RALGPS1: variants seen among roughly 807,000 people sequenced by gnomAD.
RALGPS1 encodes ras-specific guanine nucleotide-releasing factor RalGPS1.
In RALGPS1, 19 loss-of-function variants were observed where a neutral mutation model predicts 78.8. That is an observed-to-expected ratio of 0.24 (90% CI 0.17 to 0.35). The LOEUF (loss-of-function observed/expected upper bound fraction) is 0.35, where lower values mean the gene tolerates loss of function less well. Ranked by LOEUF, RALGPS1 falls within the 10% of genes least tolerant of loss-of-function variation. The pLI, the probability that RALGPS1 is intolerant of heterozygous loss-of-function variation, is 1.00. For missense variants in RALGPS1, 454 were observed against 688.3 expected (o/e 0.66, Z 3.81); for synonymous variants, 228 against 256.3 (o/e 0.89, Z 1.06).
chr9:127,141,441 C>T (rs2057765807), intron 8 of RALGPS1, among the ~76,000 whole-genome samples: 1 of 152,030 alleles, frequency 6.6e-6, no homozygotes, highest in South Asian at 2.1e-4. Flanking sequence ...CTCAGAAGCA[C>T]CCTTGGGGGT....
At chr9:126,946,042 G>A (rs1473309282) in intron 1 of RALGPS1, among the ~76,000 whole-genome samples, 1 of 152,208 alleles carries the variant, frequency 6.6e-6, no homozygotes, top group African/African-American at 2.4e-5. Flanking sequence ...GCGCAGCAGG[G>A]AGACTGCGTA....
intron 9 of RALGPS1, 59 bp downstream of exon 9, chr9:127,166,265 C>A: frequency 6.3e-7 from 1 of 1,590,710 alleles, no homozygotes; most frequent in South Asian, 1.1e-5. Flanking sequence ...TGGGTCTTAC[C>A]AGTGAGAAAG....
intron 8 of RALGPS1, among the ~76,000 whole-genome samples, chr9:127,081,188 A>T (rs2051132010): frequency 6.6e-6 from 1 of 152,156 alleles, no homozygotes; most frequent in Admixed American, 6.5e-5. Context: ...GATATTATCC[A>T]CCGTGTTTTA....
At chr9:127,019,842 A>T (rs1370494184) in intron 4 of RALGPS1, among the ~76,000 whole-genome samples, 1 of 151,986 alleles carries the variant, frequency 6.6e-6, no homozygotes. Context: ...TTTCAATTCA[A>T]ATTCCTGTAG....
At chr9:127,144,082 C>T (rs2057953986) in intron 8 of RALGPS1, among the ~76,000 whole-genome samples, 1 of 152,202 alleles carries the variant, frequency 6.6e-6, no homozygotes, top group Admixed American at 6.5e-5. Context: ...AGCCTGGAAC[C>T]CTCAGCCTTG....
At chr9:127,077,986 A>T (rs980820126) in intron 8 of RALGPS1, among the ~76,000 whole-genome samples, 1 of 152,074 alleles carries the variant, frequency 6.6e-6, no homozygotes, top group Admixed American at 6.5e-5. Flanking sequence ...TTCTGCCCTG[A>T]TGGCCACATG....
Position 127,218,360 on chromosome 9 carries a change from C to G in RALGPS1, c.1645-380C>G, listed in dbSNP as rs1166041952. Among the ~76,000 whole-genome samples, 3 of 152,226 alleles carry G rather than the reference C, an allele frequency of 2.0e-5. No homozygotes were observed. Among genetic ancestry groups the G allele is most frequent in the African/African-American group, 7.2e-5 (3 of 41,454 alleles). On this transcript the variant is annotated intron_variant, in intron 18 of 18. Coordinates refer to ENST00000259351, the MANE Select transcript of RALGPS1 (RefSeq NM_014636.3). This position sits in a 1 kb window ranked among gnomAD's most constrained non-coding sequence, Gnocchi z 4.4. ...GCCTTCAGGATTTGTCTCTCTGCCC[C>G]AAGCGCAGTTTGATTTTCACTGAAG...
chr9:126,944,917 A>G (rs1364851541), intron 1 of RALGPS1, among the ~76,000 whole-genome samples: 1 of 152,080 alleles, frequency 6.6e-6, no homozygotes, highest in African/African-American at 2.4e-5. Flanking sequence ...GCCTTGGTGG[A>G]TGAAATTTAG....
chr9:126,938,711 C>T (rs2036492165), intron 1 of RALGPS1, among the ~76,000 whole-genome samples: 1 of 152,192 alleles, frequency 6.6e-6, no homozygotes, highest in South Asian at 2.1e-4. Context: ...TGTGGGTGGC[C>T]ACAGCTGTGA....
chr9:126,949,515 T>G (rs1244557890), intron 1 of RALGPS1, among the ~76,000 whole-genome samples: 1 of 152,226 alleles, frequency 6.6e-6, no homozygotes, highest in East Asian at 1.9e-4. Flanking sequence ...CTAACTGGTG[T>G]GAGATGGTAT....
chr9:126,963,801 C>T (rs1030353318), intron 2 of RALGPS1, among the ~76,000 whole-genome samples: 5 of 152,188 alleles, frequency 3.3e-5, no homozygotes, highest in African/African-American at 7.2e-5. Context: ...ACTCTCGAGC[C>T]GGTGCTCCTA....
intron 4 of RALGPS1, among the ~76,000 whole-genome samples, chr9:127,004,959 G>C (rs1434124102): frequency 6.6e-6 from 1 of 152,172 alleles, no homozygotes; most frequent in Non-Finnish European, 1.5e-5. Flanking sequence ...CTTCAAAATT[G>C]TTTATTGCAT....
intron 4 of RALGPS1, among the ~76,000 whole-genome samples, chr9:126,979,540 C>A (rs1376368934): frequency 2.0e-5 from 3 of 152,140 alleles, no homozygotes; most frequent in African/African-American, 7.2e-5. Context: ...GGGCTTTATT[C>A]TTCATCCGAA....
intron 8 of RALGPS1, among the ~76,000 whole-genome samples, chr9:127,097,685 A>G (rs527466675): frequency 6.6e-6 from 1 of 152,392 alleles, no homozygotes; most frequent in South Asian, 2.1e-4. Context: ...CAACTGTAAC[A>G]TATAAATAAT....
chr9:127,034,643 TC>T, intron 5 of RALGPS1, 129 bp downstream of exon 5: 2 of 750,564 alleles, frequency 2.7e-6, no homozygotes, highest in Admixed American at 2.0e-5. Context: ...CTCATATGAG[TC>T]CCCCACCTTT....
At chr9:127,199,101 GGCGGT>G in intron 14 of RALGPS1, 35 bp downstream of exon 14, 1 of 1,603,328 alleles carries the variant, frequency 6.2e-7, no homozygotes, top group Admixed American at 1.7e-5. Flanking sequence ...CCCTCCCAGG[GGCGGT>G]GCTCAGGGCT....
chr9:127,041,025 A>T (rs2047246959), intron 5 of RALGPS1, among the ~76,000 whole-genome samples: 1 of 58,794 alleles, frequency 1.7e-5, no homozygotes, highest in Non-Finnish European at 4.7e-5. Flanking sequence ...AAGCTGCTAC[A>T]AACATTTGTG....
rs143821397 is a variant in RALGPS1 at position 127,196,568 on chromosome 9, C to T, written c.1132C>T (p.Arg378Cys). The T allele has an allele frequency of 1.2e-4, 200 of 1,613,982 alleles. 1 individual carries two copies. In the Admixed American group the frequency reaches 1.9e-3, roughly 15 times the overall value. ...HLLDDSVLES[R>C]SPRRGLALTS... is the part of the protein sequence containing the mutation. ...ACTGGACGACAGTGTCCTAGAGTCC[C>T]GCAGCCCCCGAAGGGGCCTGGCTCT... is the stretch of plus-strand genomic sequence containing the variant. Residue 378 changes from arginine to cysteine, a missense_variant, in exon 13 of 19, where the codon CGC (arginine) becomes TGC (cysteine). Physicochemically the swap from Arg to Cys is radical, Grantham distance 180 (BLOSUM62 -3). Coordinates refer to ENST00000259351, the MANE Select transcript of RALGPS1 (RefSeq NM_014636.3).
chr9:127,002,433 CTT>C (rs11380006), intron 4 of RALGPS1, among the ~76,000 whole-genome samples: 2 of 117,426 alleles, frequency 1.7e-5, no homozygotes, highest in African/African-American at 2.9e-5. Context: ...CACAAACATT[CTT>C]TTTTTTTTTT....
Sources: gnomAD v4.1 joint callset for allele counts (sites outside exome capture counted in the v4.1 genomes callset) on GRCh38, gnomAD v4.1.1 for gene constraint, Gnocchi (gnomAD v3.1) non-coding constraint, MANE v1.5 for transcripts, NCBI Gene and HGNC (gene_info 2026-07-23, HGNC 2026-07-21) for gene names.